MINK1: variants seen among roughly 807,000 people sequenced by gnomAD.
MINK1 encodes the protein misshapen like kinase 1, also known as misshapen-like kinase 1.
A neutral mutation model predicts 178.4 loss-of-function variants in MINK1; 46 were observed. That is an observed-to-expected ratio of 0.26 (90% CI 0.20 to 0.33). MINK1 has a LOEUF of 0.33. Ranked by LOEUF, MINK1 falls within the 10% of genes least tolerant of loss-of-function variation. The pLI, the probability that MINK1 is intolerant of heterozygous loss-of-function variation, is 1.00. For missense variants in MINK1, 1,366 were observed against 1,814.9 expected (o/e 0.75, Z 4.49); for synonymous variants, 797 against 709.7 (o/e 1.12, Z -1.96).
chr17:4,856,426 A>G (rs1403415926), intron 1 of MINK1, among the ~76,000 whole-genome samples: 1 of 148,534 alleles, frequency 6.7e-6, no homozygotes, highest in Admixed American at 6.7e-5. Flanking sequence ...TCTCTTACGT[A>G]CTCACACTCT....
At chr17:4,858,482 T>A (rs1204977561) in intron 1 of MINK1, among the ~76,000 whole-genome samples, 6 of 150,436 alleles carry the variant, frequency 4.0e-5, no homozygotes, top group Non-Finnish European at 7.4e-5. Context: ...AAATTTAATT[T>A]TTTTTTTTTT....
At chr17:4,868,064 C>T (rs1415071237) in intron 1 of MINK1, among the ~76,000 whole-genome samples, 2 of 151,504 alleles carry the variant, frequency 1.3e-5, no homozygotes, top group Non-Finnish European at 1.5e-5. Flanking sequence ...GCAACCTCCA[C>T]CTTCCAGGTT....
In MINK1 at chr17:4,889,779, C is replaced by T. The variant is rs1037142120; in HGVS notation, c.1347+16C>T. 6 of 1,509,086 alleles carry T rather than the reference C, an allele frequency of 4.0e-6. No individual in the cohort carries two copies. Among genetic ancestry groups the T allele is most frequent in the Non-Finnish European group, 3.5e-6 (4 of 1,129,448 alleles). 93.5% of individuals were successfully genotyped at this position (1,509,086 alleles called of 1,614,324 possible). ...GCGCGAGCAGGTAGAGCGCCGCACC[C>T]GCATCCCTGCCCTCCCGCCCTCCCG... On this transcript the variant is annotated intron_variant, in intron 13 of 31. Transcript: ENST00000355280.
rs772116031 is a variant in MINK1, at chr17:4,895,977, G to A, written c.3365-26G>A. 6.3e-7 allele frequency: 1 copy of A among 1,576,450 alleles called. No individual in the cohort carries two copies. The highest frequency in any genetic ancestry group is 1.2e-5 in the South Asian group (1 of 86,404). On this transcript the variant is annotated intron_variant, in intron 27 of 31. Transcript: ENST00000355280. This position sits in a 1 kb window ranked among gnomAD's most constrained non-coding sequence, Gnocchi z 4.3. ...CCGTGGCGCAAGAAGGGAAGTCTCA[G>A]CATCCCTCTTCTCTCCCGCCCCCAG... is the stretch of plus-strand genomic sequence containing the variant.
intron 1 of MINK1, among the ~76,000 whole-genome samples, chr17:4,834,291 C>T (rs1248886853): frequency 6.6e-6 from 1 of 152,184 alleles, no homozygotes; most frequent in Non-Finnish European, 1.5e-5. Flanking sequence ...ACATGACCAA[C>T]TCTGCAGCAG....
At position 4,894,974 on chromosome 17, in the gene MINK1, G is replaced by A; in HGVS notation, c.2918-101G>A. The A allele has an allele frequency of 4.8e-6, 6 of 1,256,538 alleles. No individual in the cohort carries two copies. The highest frequency in any genetic ancestry group is 6.7e-6 in the Non-Finnish European group (6 of 899,898). The allele number at this position is 1,256,538 out of a possible 1,614,324, so 77.8% of individuals were successfully genotyped here. ...TCCTCCTGTCTTTCTCCTCCTTTCT[G>A]CGTATTATGAGGTGCCAAGACCTGA... On this transcript the variant is annotated intron_variant, in intron 24 of 31. Transcript: ENST00000355280. This position sits in a 1 kb window ranked among gnomAD's most constrained non-coding sequence, Gnocchi z 4.1.
rs1968148358 is a variant in MINK1, at chr17:4,885,803, AT to A, written c.640-107del. ...TGGGTTGGAAGGCACTGCTGCAGGA[AT>A]GGGTGTGGCCCAGGAAGGCTCCTGA... On this transcript the variant is annotated intron_variant, in intron 7 of 31. Coordinates refer to ENST00000355280, the MANE Select transcript of MINK1 (RefSeq NM_153827.5). This position sits in a 1 kb window ranked among gnomAD's most constrained non-coding sequence, Gnocchi z 5.0. The A allele has an allele frequency of 7.0e-7, 1 of 1,428,742 alleles. No homozygotes were observed. Among genetic ancestry groups the A allele is most frequent in the South Asian group, 1.2e-5 (1 of 82,530 alleles). 88.5% of individuals were successfully genotyped at this position (1,428,742 alleles called of 1,614,324 possible).
intron 1 of MINK1, among the ~76,000 whole-genome samples, chr17:4,870,489 C>T (rs1032893052): frequency 6.6e-6 from 1 of 151,954 alleles, no homozygotes; most frequent in Non-Finnish European, 1.5e-5. Flanking sequence ...TTAATAACAG[C>T]TTTATTGAAA....
intron 1 of MINK1, among the ~76,000 whole-genome samples, chr17:4,862,217 C>T (rs920947234): frequency 6.6e-6 from 1 of 152,174 alleles, no homozygotes; most frequent in Admixed American, 6.6e-5. Flanking sequence ...CTCGAGCCGG[C>T]TACATGCATT....
intron 12 of MINK1, 135 bp from the exon 13 acceptor site, chr17:4,889,512 G>A (rs1597550467): frequency 1.3e-6 from 1 of 780,466 alleles, no homozygotes; most frequent in East Asian, 2.7e-5. Context: ...GGGTATAGTT[G>A]CAGAAACAAG....
At chr17:4,865,469 A>C (rs1484779805) in intron 1 of MINK1, among the ~76,000 whole-genome samples, 1 of 151,882 alleles carries the variant, frequency 6.6e-6, no homozygotes, top group Non-Finnish European at 1.5e-5. Context: ...ATAACCAGAC[A>C]CTGGACTAGA....
intron 1 of MINK1, among the ~76,000 whole-genome samples, chr17:4,843,203 G>A (rs1337485072): frequency 2.6e-5 from 4 of 152,144 alleles, no homozygotes; most frequent in Admixed American, 6.5e-5. Context: ...TGGGCTGGGC[G>A]CAGTGGCTCA....
chr17:4,859,430 TTCTC>T (rs1913759908), intron 1 of MINK1: 3 of 581,356 alleles, frequency 5.2e-6, no homozygotes, highest in Non-Finnish European at 6.5e-6. Context: ...GTTAATTCTG[TTCTC>T]TCTGTGTTGG....
intron 1 of MINK1, chr17:4,857,267 G>T: frequency 4.8e-6 from 1 of 207,772 alleles, no homozygotes. Context: ...TGATGCCGGT[G>T]CCATTCTTGG....
rs1473386599 is a variant in MINK1 at position 4,885,774 on chromosome 17, G to A, written c.640-137G>A. 5.1e-6 allele frequency: 7 copies of A among 1,381,480 alleles called. No individual in the cohort carries two copies. Among genetic ancestry groups the A allele is most frequent in the Non-Finnish European group, 7.0e-6 (7 of 1,004,132 alleles). 85.6% of individuals were successfully genotyped at this position (1,381,480 alleles called of 1,614,324 possible). On this transcript the variant is annotated intron_variant, in intron 7 of 31. Coordinates refer to ENST00000355280, the MANE Select transcript of MINK1 (RefSeq NM_153827.5). The surrounding 1 kb of genome is among the most constrained non-coding windows in gnomAD (Gnocchi z 5.0). ...GCAAGGCAAGTGTGGGTGGGAAGAT[G>A]GGATGGGTTGGAAGGCACTGCTGCA...
intron 1 of MINK1, among the ~76,000 whole-genome samples, chr17:4,843,728 T>G (rs72835018): frequency 6.6e-6 from 1 of 152,066 alleles, no homozygotes; most frequent in Non-Finnish European, 1.5e-5. Flanking sequence ...GTGGACAATA[T>G]TATCCTCATT....
intron 1 of MINK1, chr17:4,875,080 G>A: frequency 1.9e-6 from 1 of 520,094 alleles, no homozygotes; most frequent in Non-Finnish European, 3.8e-6. Context: ...TTTGATTCAA[G>A]AAAGGACTTC....
intron 1 of MINK1, among the ~76,000 whole-genome samples, chr17:4,853,391 GTGGT>G: frequency 1.0e-5 from 1 of 98,970 alleles, no homozygotes. Context: ...TGGGAAGAGT[GTGGT>G]TGGGGGAGTG....
At chr17:4,850,390 T>A (rs979234215) in intron 1 of MINK1, among the ~76,000 whole-genome samples, 1 of 152,006 alleles carries the variant, frequency 6.6e-6, no homozygotes, top group Non-Finnish European at 1.5e-5. Flanking sequence ...CACCTGCGTC[T>A]CTTCAGCTGT....
Sources: allele counts gnomAD v4.1 joint callset (sites outside exome capture counted in the v4.1 genomes callset), GRCh38; gene constraint gnomAD v4.1.1; non-coding constraint Gnocchi (gnomAD v3.1); transcripts MANE v1.5; gene names NCBI Gene and HGNC (gene_info 2026-07-23, HGNC 2026-07-21).